The following DLC1 variants were observed in gnomAD, a reference collection of about 807,000 sequenced individuals.
DLC1 encodes DLC1 Rho GTPase activating protein, also known as rho GTPase-activating protein 7.
DLC1 carries 54 observed loss-of-function variants against 140.3 expected under a neutral mutation model. That is an observed-to-expected ratio of 0.38 (90% confidence interval 0.31 to 0.48). The LOEUF is 0.48. Among genes scored for constraint, DLC1 ranks in the 20% least tolerant of loss-of-function variants. The pLI is 0.96. For missense variants in DLC1, 2,536 were observed against 1,907.0 expected (o/e 1.33, Z -6.14); for synonymous variants, 986 against 728.1 (o/e 1.35, Z -5.70).
chr8:13,590,320 A>C (rs934687490), intron 1 of DLC1, among the ~76,000 whole-genome samples: 3 of 151,820 alleles, frequency 2.0e-5, no homozygotes, highest in Non-Finnish European at 4.4e-5. Flanking sequence ...TTTTGCAGCT[A>C]TTGTACAGAT....
At position 13,377,288 on chromosome 8, in the gene DLC1, G is replaced by C. The variant is rs146866760; in HGVS notation, c.1314+16265C>G. Among the ~76,000 whole-genome samples, 11 of 152,244 alleles carry C rather than the reference G, an allele frequency of 7.2e-5. No homozygotes were observed. In the East Asian group the frequency reaches 2.1e-3, roughly 29 times the overall value. On this transcript the variant is annotated intron_variant, in intron 4 of 17. Transcript: ENST00000276297. ...AATGAGTGTAGAAGTGTGGAATTTG[G>C]AAGTAATCATGCATATGTATATAAA... is the stretch of plus-strand genomic sequence containing the variant.
rs751261328 is a variant in DLC1, at chr8:13,092,698, G to A, written c.3654C>T (p.Asn1218=). The A allele has an allele frequency of 4.3e-6, 7 of 1,614,192 alleles. No individual in the cohort carries two copies. The South Asian group carries it at 4.4e-5, about 10-fold the overall frequency. The stretch of plus-strand genomic sequence containing the variant: ...CGGCCAGGTTGGTTGGGGTCATCTG[G>A]TTTTCTTTTACGGCTGCTGTGACAT... ...LSDVTAAVKE[N]QMTPTNLAVC... is the part of the protein sequence containing the mutation. The change falls in exon 13 of 18, where the codon AAC becomes AAT. Residue 1218 remains asparagine (N), a synonymous_variant. Transcript: ENST00000276297.
In DLC1 at chr8:13,274,339, C is replaced by A. The variant is rs1831074691; in HGVS notation, c.1348+30930G>T. Among the ~76,000 whole-genome samples, 4 of 152,136 alleles carry A rather than the reference C, an allele frequency of 2.6e-5. No homozygotes were observed. In the South Asian group the frequency reaches 8.3e-4, roughly 32 times the overall value. ...CCAAAATCAAAGTCAGTTGTCATAGCCAAAGTCTTTTCCTTTCAAGCATGG... is the reference window on the plus strand; with the variant it reads ...CCAAAATCAAAGTCAGTTGTCATAGACAAAGTCTTTTCCTTTCAAGCATGG... On this transcript the variant is annotated intron_variant, in intron 5 of 17. Coordinates refer to ENST00000276297, the MANE Select transcript of DLC1 (RefSeq NM_182643.3).
chr8:13,260,840 G>GA (rs1235351268), intron 5 of DLC1, among the ~76,000 whole-genome samples: 2 of 152,280 alleles, frequency 1.3e-5, no homozygotes, highest in East Asian at 1.9e-4. Flanking sequence ...GATTGATTCA[G>GA]AAAAAATGTG....
Position 13,544,548 on chromosome 8 carries a change from A to C in DLC1, c.-125-44352T>G, listed in dbSNP as rs527279076. On this transcript the variant is annotated intron_variant, in intron 1 of 1. Transcript: ENST00000631382. ...TGAGGGGAGAGATTACAAAGAACAGACAAAAGAACTGAAAAGTGTAGCAGC... is the reference window on the plus strand; with the variant it reads ...TGAGGGGAGAGATTACAAAGAACAGCCAAAAGAACTGAAAAGTGTAGCAGC... 2.6e-5 allele frequency among the ~76,000 whole-genome samples: 4 copies of C among 152,244 alleles called. No individual in the cohort carries two copies. The South Asian group carries it at 8.3e-4, about 32-fold the overall frequency.
At chr8:13,516,394 T>C (rs1325977304), upstream of DLC1, among the ~76,000 whole-genome samples, 6 of 152,240 alleles carry the variant, frequency 3.9e-5, no homozygotes, top group African/African-American at 1.4e-4. Context: ...TCCATCCCTG[T>C]ATATCACAAG....
chr8:13,368,536 T>C (rs1255887080), intron 4 of DLC1, among the ~76,000 whole-genome samples: 1 of 151,976 alleles, frequency 6.6e-6, no homozygotes, highest in Middle Eastern at 3.2e-3. Flanking sequence ...TTTTTTTTTT[T>C]TTTCTGCATA....
intron 1 of DLC1, among the ~76,000 whole-genome samples, chr8:13,560,571 C>T (rs908386123): frequency 6.6e-6 from 1 of 152,146 alleles, no homozygotes; most frequent in African/African-American, 2.4e-5. Flanking sequence ...TGTAATTAGC[C>T]TTTAATCTGG....
At chr8:13,502,838 G>T (rs1002076071) in intron 1 of DLC1, among the ~76,000 whole-genome samples, 3 of 152,122 alleles carry the variant, frequency 2.0e-5, no homozygotes, top group African/African-American at 7.2e-5. Flanking sequence ...TGGAGGATCT[G>T]GAAAATTGTA....
rs1430098345 is a variant in DLC1, at chr8:13,509,196, A to G, written c.-126+5406T>C. 3.9e-5 allele frequency among the ~76,000 whole-genome samples: 6 copies of G among 152,230 alleles called. No homozygotes were observed. In the South Asian group the frequency reaches 8.3e-4, roughly 21 times the overall value. On this transcript the variant is annotated intron_variant, in intron 1 of 17. Coordinates refer to ENST00000276297, the MANE Select transcript of DLC1 (RefSeq NM_182643.3). The stretch of plus-strand genomic sequence containing the variant: ...TGGTCACTTTATTTTTAGCTTTGCT[A>G]TCATTTCTAAGAACACTCCAACAGT...
At chr8:13,245,355 G>A (rs1179621938) in intron 5 of DLC1, among the ~76,000 whole-genome samples, 1 of 152,216 alleles carries the variant, frequency 6.6e-6, no homozygotes, top group East Asian at 1.9e-4. Flanking sequence ...ACATTGTGTA[G>A]CAGAGGCACT....
At chr8:13,175,511 C>T (rs985135345) in intron 5 of DLC1, among the ~76,000 whole-genome samples, 8 of 152,066 alleles carry the variant, frequency 5.3e-5, no homozygotes, top group Non-Finnish European at 1.0e-4. Context: ...AACCGTCTGT[C>T]TGTGCTCTCA....
At chr8:13,109,824 G>A (rs927650507) in intron 7 of DLC1, among the ~76,000 whole-genome samples, 2 of 152,010 alleles carry the variant, frequency 1.3e-5, no homozygotes, top group Admixed American at 1.3e-4. Context: ...GGCGGAGGTT[G>A]CAGTGAGCCG....
At chr8:13,149,213 C>T (rs1293917520) in intron 5 of DLC1, among the ~76,000 whole-genome samples, 1 of 152,170 alleles carries the variant, frequency 6.6e-6, no homozygotes, top group Non-Finnish European at 1.5e-5. Flanking sequence ...AAAACTCCTC[C>T]ATTTGCCCTT....
At chr8:13,229,786 G>C (rs1019859) in intron 5 of DLC1, among the ~76,000 whole-genome samples, 106,558 of 151,968 alleles carry the variant, frequency 0.7, 37,717 homozygotes, top group East Asian at 0.92. Context: ...ATGAAGAGAA[G>C]CTGGCCCCTA....
At chr8:13,368,524 ATT>A (rs796533088) in intron 4 of DLC1, among the ~76,000 whole-genome samples, 241 of 144,706 alleles carry the variant, frequency 1.7e-3, no homozygotes, top group African/African-American at 5.7e-3. Context: ...AGGCAGTTAA[ATT>A]TTTTTTTTTT....
At chr8:13,510,788 T>C (rs893040341) in intron 1 of DLC1, among the ~76,000 whole-genome samples, 3 of 152,174 alleles carry the variant, frequency 2.0e-5, no homozygotes, top group African/African-American at 7.2e-5. Context: ...TTCCTTCTGG[T>C]GCTTAATGAA....
chr8:13,190,926 T>C (rs965710842), intron 5 of DLC1, among the ~76,000 whole-genome samples: 2 of 151,980 alleles, frequency 1.3e-5, no homozygotes, highest in Non-Finnish European at 2.9e-5. Flanking sequence ...TAAACATTCA[T>C]TGGCCTGAGG....
intron 5 of DLC1, among the ~76,000 whole-genome samples, chr8:13,143,525 G>A (rs113346879): frequency 1.3e-5 from 2 of 152,174 alleles, no homozygotes; most frequent in African/African-American, 4.8e-5. Context: ...GTGTGATCAC[G>A]GTTCACTGCA....
Sources: allele counts gnomAD v4.1 joint callset (sites outside exome capture counted in the v4.1 genomes callset), GRCh38; gene constraint gnomAD v4.1.1; transcripts MANE v1.5; gene names NCBI Gene and HGNC (gene_info 2026-07-23, HGNC 2026-07-21).